Variants in CXCR4 observed in about 807,000 individuals in gnomAD.
CXCR4 encodes C-X-C chemokine receptor type 4.
A neutral mutation model predicts 22.4 loss-of-function variants in CXCR4; 6 were observed. That is an observed-to-expected ratio of 0.27 (90% CI 0.15 to 0.53). The LOEUF (loss-of-function observed/expected upper bound fraction) is 0.53, where lower values mean the gene tolerates loss of function less well. Ranked by LOEUF, CXCR4 falls within the 20% of genes least tolerant of loss-of-function variation. CXCR4 has a pLI of 0.96. For synonymous variants in CXCR4, 155 were observed against 171.7 expected (o/e 0.90, Z 0.76); for missense variants, 300 against 430.4 (o/e 0.70, Z 2.68).
At chr2:136,116,128 G>A in intron 1 of CXCR4, 1 of 1,453,858 alleles carries the variant, frequency 6.9e-7, no homozygotes, top group South Asian at 1.5e-5. Flanking sequence ...TCCTTCTTTG[G>A]TAGAACCAAT....
Position 136,115,142 on chromosome 2 carries a change from G to A in CXCR4, c.786C>T (p.Asp262=), listed in dbSNP as rs1173681265. The A allele has an allele frequency of 1.2e-6, 2 of 1,614,210 alleles. No homozygotes were observed. Among genetic ancestry groups the A allele is most frequent in the South Asian group, 1.1e-5 (1 of 91,080 alleles). Residue 262 remains aspartate (D), a synonymous_variant, in exon 2 of 2, where the codon GAC becomes GAT. Coordinates refer to ENST00000241393, the MANE Select transcript of CXCR4 (RefSeq NM_003467.3). This position sits in a 1 kb window ranked among gnomAD's most constrained non-coding sequence, Gnocchi z 6.4. ...TGATGATTTCCAGGAGGATGAAGGA[G>A]TCGATGCTGATCCCAATGTAGTAAG... ...WLPYYIGISI[D]SFILLEIIKQ...
intron 1 of CXCR4, 161 bp from the exon 2 acceptor site, chr2:136,116,073 C>A (rs879110090): frequency 4.6e-6 from 7 of 1,528,110 alleles, no homozygotes; most frequent in Non-Finnish European, 4.4e-6. Flanking sequence ...AATGTAGAAT[C>A]CTACAACTCT....
At chr2:136,116,117 A>G in intron 1 of CXCR4, 1 of 1,472,274 alleles carries the variant, frequency 6.8e-7, no homozygotes, top group Non-Finnish European at 9.0e-7. Context: ...ACTTCATTAT[A>G]TCCTTCTTTG....
In CXCR4 at chr2:136,118,053, C is replaced by T. The variant is rs1684968641; in HGVS notation, c.8G>A (p.Gly3Glu). Residue 3 changes from glycine to glutamate, a missense_variant, in exon 1 of 2, where the codon GGG becomes GAG. Gly to Glu is a moderately conservative substitution (Grantham distance 98, BLOSUM62 -2). Transcript: ENST00000241393. MEGISIYTSDNYT... is the reference protein window; with the variant it reads MEEISIYTSDNYT... ...GGTTGAAACTGGACTTACACTGATC[C>T]CCTCCATGGTAACCGCTGGTTCTCC... The T allele has an allele frequency of 6.2e-7, 1 of 1,613,852 alleles. No homozygotes were observed. The highest frequency in any genetic ancestry group is 8.5e-7 in the Non-Finnish European group (1 of 1,179,784).
chr2:136,116,724 T>G (rs1444228631), intron 1 of CXCR4, among the ~76,000 whole-genome samples: 2 of 152,134 alleles, frequency 1.3e-5, no homozygotes, highest in Non-Finnish European at 2.9e-5. Flanking sequence ...GCACCCGTGG[T>G]CCTCGCCCCA....
chr2:136,116,047 A>C (rs949028383), intron 1 of CXCR4, 135 bp from the exon 2 acceptor site: 2 of 1,555,012 alleles, frequency 1.3e-6, no homozygotes, highest in Non-Finnish European at 1.7e-6. Flanking sequence ...TAGTGGGCTA[A>C]GGGCACAAGA....
intron 1 of CXCR4, among the ~76,000 whole-genome samples, chr2:136,116,620 T>C (rs1236541430): frequency 6.6e-6 from 1 of 152,130 alleles, no homozygotes; most frequent in Non-Finnish European, 1.5e-5. Context: ...TCCTCCGGTG[T>C]GTGGGTCTCT....
chr2:136,115,461 A>T lies in CXCR4; in HGVS notation c.467T>A (p.Val156Asp). 6.2e-7 allele frequency: 1 copy of T among 1,614,094 alleles called. No individual in the cohort carries two copies. The highest frequency in any genetic ancestry group is 8.5e-7 in the Non-Finnish European group (1 of 1,180,016). Residue 156 changes from valine to aspartate, a missense_variant, in exon 2 of 2, where the codon GTC becomes GAC. Transcript: ENST00000241393. The surrounding 1 kb of genome is among the most constrained non-coding windows in gnomAD (Gnocchi z 6.4). ...GGCAGGGATCCAGACGCCAACATAG[A>T]CCACCTTTTCAGCCAACAGCTTCCT... ...RPRKLLAEKVVYVGVWIPALL... is the reference protein window; with the variant it reads ...RPRKLLAEKVDYVGVWIPALL...
intron 1 of CXCR4, 104 bp downstream of exon 1, chr2:136,117,942 G>T: frequency 3.9e-6 from 4 of 1,035,492 alleles, no homozygotes; most frequent in Admixed American, 2.0e-5. Flanking sequence ...TTGGAGTACG[G>T]GTACCTCCAA....
At chr2:136,116,106 G>C (rs1205425813) in intron 1 of CXCR4, 194 bp from the exon 2 acceptor site, 1 of 1,490,304 alleles carries the variant, frequency 6.7e-7, no homozygotes, top group Non-Finnish European at 8.9e-7. Flanking sequence ...TTCCCATAGT[G>C]ACTTCATTAT....
chr2:136,117,840 A>C, intron 1 of CXCR4: 5 of 513,068 alleles, frequency 9.7e-6, no homozygotes, highest in Non-Finnish European at 1.0e-5. Context: ...TTTCTCCTCG[A>C]CTCACAGAGA....
chr2:136,117,186 C>T (rs1370996527), intron 1 of CXCR4, among the ~76,000 whole-genome samples: 1 of 152,158 alleles, frequency 6.6e-6, no homozygotes, highest in Non-Finnish European at 1.5e-5. Flanking sequence ...GCCCCCGCCC[C>T]TCACCCCGTA....
chr2:136,116,693 G>A (rs968817840), intron 1 of CXCR4, among the ~76,000 whole-genome samples: 1 of 152,182 alleles, frequency 6.6e-6, no homozygotes, highest in African/African-American at 2.4e-5. Flanking sequence ...ATTTTCCTGG[G>A]TGGAGAAGGT....
chr2:136,116,801 G>A (rs1238108937), intron 1 of CXCR4, among the ~76,000 whole-genome samples: 1 of 152,126 alleles, frequency 6.6e-6, no homozygotes, highest in African/African-American at 2.4e-5. Context: ...TAACCCGGCC[G>A]GAGGTGGGCA....
Position 136,118,119 on chromosome 2 carries a change from C to A in CXCR4, c.-59G>T. The A allele has an allele frequency of 6.4e-7, 1 of 1,573,592 alleles. No homozygotes were observed. Among genetic ancestry groups the A allele is most frequent in the Middle Eastern group, 1.7e-4 (1 of 5,864 alleles). On this transcript the variant is annotated 5_prime_UTR_variant, in exon 1 of 2. Coordinates refer to ENST00000241393, the MANE Select transcript of CXCR4 (RefSeq NM_003467.3). Reference sequence around the variant, plus strand: ...TGGAGCACTCAGGCCCTCGGCGTCACTTTGCTACCTGCTGCCGCAGCCAAC... The same window carrying A: ...TGGAGCACTCAGGCCCTCGGCGTCAATTTGCTACCTGCTGCCGCAGCCAAC...
chr2:136,116,831 T>C lies in CXCR4; in HGVS notation c.16-919A>G, dbSNP rs1457160471. 2.0e-5 allele frequency among the ~76,000 whole-genome samples: 3 copies of C among 151,976 alleles called. No individual in the cohort carries two copies. The East Asian group carries it at 5.8e-4, about 30-fold the overall frequency. ...TGGGCAGCTGGAAGCCTCCAGGCGG[T>C]GGGCACGCGGGGGGCCGGGTCGTCC... is the stretch of plus-strand genomic sequence containing the variant. On this transcript the variant is annotated intron_variant, in intron 1 of 1. Transcript: ENST00000241393.
At position 136,115,356 on chromosome 2, in the gene CXCR4, G is replaced by C. The variant is rs2104916850; in HGVS notation, c.572C>G (p.Pro191Arg). The C allele has an allele frequency of 6.2e-7, 1 of 1,614,176 alleles. No homozygotes were observed. The highest frequency in any genetic ancestry group is 8.5e-7 in the Non-Finnish European group (1 of 1,180,036). ...GAACACAACCACCCACAAGTCATTGGGGTAGAAGCGGTCACAGATATATCT... is the reference window on the plus strand; with the variant it reads ...GAACACAACCACCCACAAGTCATTGCGGTAGAAGCGGTCACAGATATATCT... Reference protein sequence around the residue: ...DDRYICDRFYPNDLWVVVFQF... With the variant: ...DDRYICDRFYRNDLWVVVFQF... Residue 191 changes from proline to arginine, a missense_variant, in exon 2 of 2, where the codon CCC (proline) becomes CGC (arginine). Pro to Arg is a moderately radical substitution (Grantham distance 103, BLOSUM62 -2). Transcript: ENST00000241393. This position sits in a 1 kb window ranked among gnomAD's most constrained non-coding sequence, Gnocchi z 6.4.
chr2:136,117,761 G>A (rs572642853), intron 1 of CXCR4: 10 of 443,878 alleles, frequency 2.3e-5, no homozygotes, highest in African/African-American at 6.2e-5. Flanking sequence ...CAAACAGCGT[G>A]CAAGCCGCCG....
chr2:136,117,199 C>T (rs139855555), intron 1 of CXCR4, among the ~76,000 whole-genome samples: 1 of 152,136 alleles, frequency 6.6e-6, no homozygotes, highest in African/African-American at 2.4e-5. Flanking sequence ...ACCCCGTACC[C>T]GCTCCTATCC....
Sources: allele counts gnomAD v4.1 joint callset (sites outside exome capture counted in the v4.1 genomes callset), GRCh38; gene constraint gnomAD v4.1.1; non-coding constraint Gnocchi (gnomAD v3.1); transcripts MANE v1.5; gene names NCBI Gene and HGNC (gene_info 2026-07-23, HGNC 2026-07-21).